The following ARHGEF9 variants were observed in gnomAD, a reference collection of about 807,000 sequenced individuals.
The protein encoded by ARHGEF9 is rho guanine nucleotide exchange factor 9.
ARHGEF9 carries 2 observed loss-of-function variants against 41.3 expected under a neutral mutation model. The ratio of observed to expected loss-of-function variants is 0.05; its 90% CI spans 0.02 to 0.15. ARHGEF9 has a LOEUF of 0.15. Ranked by LOEUF, ARHGEF9 falls within the 10% of genes least tolerant of loss-of-function variation. The pLI is 1.00. For synonymous variants in ARHGEF9, 160 were observed against 154.4 expected (o/e 1.04, Z -0.27); for missense variants, 225 against 424.7 (o/e 0.53, Z 4.13).
chrX:63,662,182 C>T (rs1421156446), intron 7 of ARHGEF9, among the ~76,000 whole-genome samples: 3 of 111,693 alleles, frequency 2.7e-5, no homozygotes, highest in Non-Finnish European at 3.8e-5. Context: ...TCTCACCATT[C>T]ACAACTGATA....
Position 63,636,589 on chromosome X carries a change from TTAACTA to T in ARHGEF9, c.*1433_*1438del. 1 of 209,862 alleles carries T rather than the reference TTAACTA, an allele frequency of 4.8e-6. No individual in the cohort carries two copies. The highest frequency in any genetic ancestry group is 8.7e-6 in the Non-Finnish European group (1 of 115,403). The allele number at this position is 209,862 out of a possible 1,213,427, so 17.3% of individuals were successfully genotyped here. A position where few individuals can be genotyped will look rare whatever the true frequency, so the allele number is the denominator to read the frequency against. On this transcript the variant is annotated 3_prime_UTR_variant, in exon 10 of 10. Transcript: ENST00000671741. ...GCCTTCTTTGAGTGCCAGAACAGCT[TTAACTA>T]TATCAATACCAAAAATCCTCCTGTG... is the stretch of plus-strand genomic sequence containing the variant.
chrX:63,646,481 T>C (rs1473731383), intron 8 of ARHGEF9, among the ~76,000 whole-genome samples: 4 of 112,090 alleles, frequency 3.6e-5, no homozygotes, highest in African/African-American at 1.3e-4. Context: ...ATTTATTAAA[T>C]AGGGAATTGT....
At chrX:63,701,952 C>A (rs1470533544) in intron 3 of ARHGEF9, among the ~76,000 whole-genome samples, 11 of 112,119 alleles carry the variant, frequency 9.8e-5, no homozygotes, top group African/African-American at 3.6e-4. Flanking sequence ...AATGTGTTAT[C>A]ATTTTCTATG....
chrX:63,756,236 G>A (rs1172627106), intron 1 of ARHGEF9, among the ~76,000 whole-genome samples: 2 of 111,903 alleles, frequency 1.8e-5, no homozygotes, highest in African/African-American at 6.5e-5. Flanking sequence ...GGTTCCCTGG[G>A]CCTTCAAACC....
intron 4 of ARHGEF9, among the ~76,000 whole-genome samples, chrX:63,693,626 A>G (rs1367993292): frequency 1.7e-4 from 18 of 108,511 alleles, no homozygotes; most frequent in African/African-American, 6.0e-4. Flanking sequence ...AAAAAAAAAA[A>G]AAACCACATG....
chrX:63,666,874 G>A (rs1163305700), intron 6 of ARHGEF9, among the ~76,000 whole-genome samples: 5 of 111,952 alleles, frequency 4.5e-5, no homozygotes, highest in Admixed American at 1.9e-4. Flanking sequence ...ATTCTACAGA[G>A]TTTCCAAGTC....
intron 4 of ARHGEF9, among the ~76,000 whole-genome samples, chrX:63,696,873 A>T (rs782108335): frequency 3.6e-5 from 4 of 111,557 alleles, no homozygotes; most frequent in African/African-American, 6.5e-5. Context: ...GACTTCTGTG[A>T]GTTTCTCTGG....
At chrX:63,785,071 G>T (rs782387585) in intron 1 of ARHGEF9, 45 bp downstream of exon 1, 1 of 1,160,443 alleles carries the variant, frequency 8.6e-7, no homozygotes, top group East Asian at 3.3e-5. Context: ...GGGGCTGGGG[G>T]ACTGAGAGGC....
chrX:63,732,452 C>G (rs1172488274), intron 1 of ARHGEF9: 1 of 111,583 alleles, frequency 9.0e-6, no homozygotes. Flanking sequence ...CTCTTCATTC[C>G]CACTGTCTTA....
At chrX:63,734,135 G>C (rs1251794443) in intron 1 of ARHGEF9, among the ~76,000 whole-genome samples, 1 of 112,018 alleles carries the variant, frequency 8.9e-6, no homozygotes, top group Non-Finnish European at 1.9e-5. Context: ...TCTGAAGTGA[G>C]ACCCAGCTGC....
chrX:63,705,572 T>C (rs782386430), intron 3 of ARHGEF9, among the ~76,000 whole-genome samples: 1 of 110,755 alleles, frequency 9.0e-6, no homozygotes, highest in African/African-American at 3.3e-5. Context: ...TTAGGGAATG[T>C]AGAGAGACAG....
chrX:63,732,866 A>G (rs782584195), intron 1 of ARHGEF9, among the ~76,000 whole-genome samples: 1 of 111,753 alleles, frequency 8.9e-6, no homozygotes, highest in South Asian at 3.8e-4. Flanking sequence ...TCCTTAGCCA[A>G]TGGTTACACG....
chrX:63,721,840 G>A (rs1309304957), intron 2 of ARHGEF9, among the ~76,000 whole-genome samples: 3 of 110,593 alleles, frequency 2.7e-5, no homozygotes, highest in Non-Finnish European at 5.7e-5. Flanking sequence ...TTGCTCTTGT[G>A]AAGCCATATC....
intron 7 of ARHGEF9, among the ~76,000 whole-genome samples, chrX:63,659,690 T>C (rs1302365667): frequency 8.9e-6 from 1 of 111,790 alleles, no homozygotes; most frequent in East Asian, 2.8e-4. Context: ...TTTATTTCGC[T>C]CACTACTATA....
At chrX:63,781,950 G>A (rs1445734202) in intron 1 of ARHGEF9, among the ~76,000 whole-genome samples, 1 of 112,057 alleles carries the variant, frequency 8.9e-6, no homozygotes, top group African/African-American at 3.2e-5. Flanking sequence ...CACAGAGCTT[G>A]TTCCTGCACT....
chrX:63,710,611 T>C (rs2052871499), intron 2 of ARHGEF9, among the ~76,000 whole-genome samples: 1 of 110,636 alleles, frequency 9.0e-6, no homozygotes, highest in Admixed American at 9.6e-5. Context: ...GAAAAGGCAT[T>C]TGCAAAATCC....
At position 63,674,089 on chromosome X, in the gene ARHGEF9, T is replaced by C. The variant is rs1556359060; in HGVS notation, c.894A>G (p.Leu298=). The change falls in exon 6 of 10, where the codon TTA becomes TTG. Residue 298 remains leucine, a synonymous_variant. Transcript: ENST00000671741. The stretch of plus-strand genomic sequence containing the variant: ...ACTGAGCAATCTTGTCAATATTCTC[T>C]AAACGTCGCTTGCGTTCGTTGATCT... The part of the protein sequence containing the change: ...TQQINERKRR[L]ENIDKIAQWQ... 2 of 1,211,246 alleles carry C rather than the reference T, an allele frequency of 1.7e-6. No homozygotes were observed. Among genetic ancestry groups the C allele is most frequent in the Non-Finnish European group, 1.1e-6 (1 of 895,118 alleles).
chrX:63,685,405 A>G (rs2050921486), intron 4 of ARHGEF9, among the ~76,000 whole-genome samples: 1 of 111,719 alleles, frequency 9.0e-6, no homozygotes, highest in African/African-American at 3.2e-5. Flanking sequence ...GATTTAATGC[A>G]ATCCCAACCA....
chrX:63,707,753 G>T (rs781990873), intron 2 of ARHGEF9, among the ~76,000 whole-genome samples: 1 of 111,521 alleles, frequency 9.0e-6, no homozygotes, highest in South Asian at 3.8e-4. Flanking sequence ...CACTCGGGGG[G>T]AAGAGGCTTT....
Sources: gnomAD v4.1 joint callset for allele counts (sites outside exome capture counted in the v4.1 genomes callset) on GRCh38, gnomAD v4.1.1 for gene constraint, MANE v1.5 for transcripts, NCBI Gene and HGNC (gene_info 2026-07-23, HGNC 2026-07-21) for gene names.